ROBO2: variants seen among roughly 807,000 people sequenced by gnomAD.
The protein encoded by ROBO2 is roundabout guidance receptor 2.
A neutral mutation model predicts 160.8 loss-of-function variants in ROBO2; 53 were observed. The observed-to-expected ratio is 0.33, with a 90% CI of 0.26 to 0.41. The LOEUF (loss-of-function observed/expected upper bound fraction) is 0.41, where lower values mean the gene tolerates loss of function less well. Ranked by LOEUF, ROBO2 falls within the 10% of genes least tolerant of loss-of-function variation. The probability of loss-of-function intolerance (pLI) is 1.00; values close to 1 mark genes in which losing one functional copy is unlikely to be tolerated. For synonymous variants in ROBO2, 664 were observed against 611.7 expected (o/e 1.09, Z -1.26); for missense variants, 1,577 against 1,722.4 (o/e 0.92, Z 1.49).
chr3:76,572,268 A>T (rs2085002808), intron 2 of ROBO2, among the ~76,000 whole-genome samples: 1 of 152,058 alleles, frequency 6.6e-6, no homozygotes, highest in African/African-American at 2.4e-5. Flanking sequence ...AGGGAAGCTG[A>T]TATTTAAACC....
intron 2 of ROBO2, among the ~76,000 whole-genome samples, chr3:77,112,520 A>G (rs1279324188): frequency 6.6e-6 from 1 of 152,096 alleles, no homozygotes; most frequent in Non-Finnish European, 1.5e-5. Flanking sequence ...CTGGGATTAC[A>G]GGCGTGAGCC....
At chr3:76,759,137 A>AT (rs1195389048) in intron 2 of ROBO2, among the ~76,000 whole-genome samples, 1 of 151,772 alleles carries the variant, frequency 6.6e-6, no homozygotes, top group East Asian at 2.0e-4. Context: ...TAGAAGTCAT[A>AT]TTTTTTCATC....
chr3:76,553,183 A>G (rs2083513508), intron 2 of ROBO2, among the ~76,000 whole-genome samples: 4 of 152,194 alleles, frequency 2.6e-5, no homozygotes, highest in African/African-American at 9.7e-5. Context: ...TGGTTTGGAA[A>G]CAGTCTTTCA....
intron 2 of ROBO2, among the ~76,000 whole-genome samples, chr3:76,201,702 G>C (rs970552612): frequency 1.3e-5 from 2 of 152,012 alleles, no homozygotes; most frequent in Non-Finnish European, 2.9e-5. Context: ...GGTGTTCATG[G>C]TGCACTGCCT....
chr3:76,872,500 A>T (rs2072215757), intron 2 of ROBO2, among the ~76,000 whole-genome samples: 1 of 152,034 alleles, frequency 6.6e-6, no homozygotes, highest in African/African-American at 2.4e-5. Context: ...AGAGATACAT[A>T]AAGTGCTCAA....
At chr3:76,837,241 T>G (rs1012460385) in intron 2 of ROBO2, among the ~76,000 whole-genome samples, 1 of 151,894 alleles carries the variant, frequency 6.6e-6, no homozygotes, top group African/African-American at 2.4e-5. Flanking sequence ...AATTGATAGG[T>G]AGCACAAACA....
At chr3:77,155,497 C>CAGA (rs938347243) in intron 2 of ROBO2, among the ~76,000 whole-genome samples, 2 of 151,972 alleles carry the variant, frequency 1.3e-5, no homozygotes. Flanking sequence ...GGCGAGGGAA[C>CAGA]AGATAGTCCC....
At chr3:76,693,756 T>C (rs189619489) in intron 2 of ROBO2, among the ~76,000 whole-genome samples, 1 of 152,248 alleles carries the variant, frequency 6.6e-6, no homozygotes, top group Non-Finnish European at 1.5e-5. Flanking sequence ...GAACCTGTAG[T>C]TCTAGATGTC....
chr3:77,093,758 ATCTT>A (rs2150042723), intron 1 of ROBO2, among the ~76,000 whole-genome samples: 1 of 152,090 alleles, frequency 6.6e-6, no homozygotes, highest in East Asian at 1.9e-4. Context: ...TTTCTAATCT[ATCTT>A]TCTCTCTCTC....
chr3:77,259,607 A>G (rs1270022197), intron 2 of ROBO2, among the ~76,000 whole-genome samples: 2 of 152,236 alleles, frequency 1.3e-5, no homozygotes, highest in African/African-American at 4.8e-5. Context: ...GGAACAAAAA[A>G]GGATGATTGC....
intron 2 of ROBO2, among the ~76,000 whole-genome samples, chr3:76,590,799 A>G (rs1284377024): frequency 6.6e-6 from 1 of 152,134 alleles, no homozygotes; most frequent in Non-Finnish European, 1.5e-5. Context: ...TTAAATACAT[A>G]AAATAAATCA....
chr3:76,627,725 A>G (rs571390504), intron 2 of ROBO2, among the ~76,000 whole-genome samples: 2 of 152,350 alleles, frequency 1.3e-5, no homozygotes, highest in Non-Finnish European at 2.9e-5. Context: ...GGAAGGGAAG[A>G]GGAATGTAAT....
chr3:76,646,912 A>G lies in ROBO2; in HGVS notation c.110-451102A>G, dbSNP rs114177673. On this transcript the variant is annotated intron_variant, in intron 2 of 26. Transcript: ENST00000487694. ...ACCACAGTTACTATCAGAACTAGCA[A>G]TTCAGTAAGTCATCACCACCCCTAT... Among the ~76,000 whole-genome samples, 1,303 of 152,318 alleles carry G rather than the reference A, an allele frequency of 8.6e-3. 14 individuals carry two copies. Among genetic ancestry groups the G allele is most frequent in the African/African-American group, 0.03 (1,228 of 41,568 alleles).
chr3:77,499,007 A>G (rs995342719), intron 5 of ROBO2, among the ~76,000 whole-genome samples: 1 of 152,244 alleles, frequency 6.6e-6, no homozygotes, highest in Admixed American at 6.5e-5. Context: ...AAAAGTGTAA[A>G]TGAAAAATCT....
chr3:77,060,657 C>T (rs1361897307), intron 1 of ROBO2, among the ~76,000 whole-genome samples: 1 of 152,180 alleles, frequency 6.6e-6, no homozygotes, highest in Non-Finnish European at 1.5e-5. Context: ...AATCCAGATC[C>T]ACCACAGCAG....
chr3:76,056,746 A>G (rs1185483943), intron 2 of ROBO2, among the ~76,000 whole-genome samples: 1 of 152,200 alleles, frequency 6.6e-6, no homozygotes, highest in Non-Finnish European at 1.5e-5. Flanking sequence ...TCTTAAACAT[A>G]CATCAGTAGA....
chr3:77,348,499 T>C (rs2067930069), intron 2 of ROBO2, among the ~76,000 whole-genome samples: 1 of 152,098 alleles, frequency 6.6e-6, no homozygotes. Flanking sequence ...CCTTCTGACC[T>C]TGGGTCGACC....
intron 2 of ROBO2, among the ~76,000 whole-genome samples, chr3:76,346,590 A>C (rs2074546292): frequency 6.6e-6 from 1 of 152,144 alleles, no homozygotes; most frequent in Non-Finnish European, 1.5e-5. Context: ...AATGTCTATT[A>C]AAAATACATA....
intron 2 of ROBO2, among the ~76,000 whole-genome samples, chr3:76,580,354 G>GTTT (rs1457222056): frequency 2.2e-5 from 1 of 46,360 alleles, no homozygotes; most frequent in South Asian, 7.7e-4. Flanking sequence ...TTTTTTTTTT[G>GTTT]TTTTTTTTTT....
Sources: allele counts gnomAD v4.1 joint callset (sites outside exome capture counted in the v4.1 genomes callset), GRCh38; gene constraint gnomAD v4.1.1; transcripts MANE v1.5; gene names NCBI Gene and HGNC (gene_info 2026-07-23, HGNC 2026-07-21).